Variants in SLC27A4 observed in about 807,000 individuals in gnomAD.
The protein encoded by SLC27A4 is long-chain fatty acid transport protein 4.
A neutral mutation model predicts 64.4 loss-of-function variants in SLC27A4; 33 were observed. That is an observed-to-expected ratio of 0.51 (90% CI 0.39 to 0.68). SLC27A4 has a LOEUF of 0.68. SLC27A4 is among the 30% of genes least tolerant of loss of function. The pLI is 0.00. For missense variants in SLC27A4, 824 were observed against 883.5 expected (o/e 0.93, Z 0.85); for synonymous variants, 377 against 370.0 (o/e 1.02, Z -0.22).
In SLC27A4 at chr9:128,345,340, A is replaced by G. The variant is rs1332852187; in HGVS notation, c.347A>G (p.Asn116Ser). 6 of 1,613,724 alleles carry G rather than the reference A, an allele frequency of 3.7e-6. No homozygotes were observed. In the East Asian group the frequency reaches 6.7e-5, roughly 18 times the overall value. Reference sequence around the variant, plus strand: ...GATGAGTACTCAAGCAGTGTAGCCAACTTCCTGCAGGCCCGGGGCCTGGCC... The same window carrying G: ...GATGAGTACTCAAGCAGTGTAGCCAGCTTCCTGCAGGCCCGGGGCCTGGCC... Reference protein sequence around the residue: ...QLDEYSSSVANFLQARGLASG... With the variant: ...QLDEYSSSVASFLQARGLASG... The change falls in exon 3 of 13, where the codon AAC (asparagine) becomes AGC (serine). Residue 116 changes from asparagine to serine, a missense_variant. Coordinates refer to ENST00000300456, the MANE Select transcript of SLC27A4 (RefSeq NM_005094.4). This position sits in a 1 kb window ranked among gnomAD's most constrained non-coding sequence, Gnocchi z 4.1.
intron 5 of SLC27A4, 34 bp from the exon 6 acceptor site, chr9:128,350,450 G>A (rs1222242813): frequency 1.2e-6 from 2 of 1,612,730 alleles, no homozygotes; most frequent in East Asian, 4.5e-5. Context: ...GCCTTTCTAG[G>A]GCCCGCTCAG....
intron 3 of SLC27A4, among the ~76,000 whole-genome samples, chr9:128,346,572 A>G (rs1270200233): frequency 6.6e-6 from 1 of 152,040 alleles, no homozygotes; most frequent in Non-Finnish European, 1.5e-5. Context: ...GCTTGGTGAC[A>G]TGGACCTGTA....
chr9:128,344,518 CA>C (rs370358874), intron 2 of SLC27A4, among the ~76,000 whole-genome samples: 39 of 136,280 alleles, frequency 2.9e-4, no homozygotes, highest in African/African-American at 4.9e-4. Context: ...GACGCCATCT[CA>C]AAAAAAAAAA....
intron 12 of SLC27A4, among the ~76,000 whole-genome samples, chr9:128,358,483 G>A (rs903657186): frequency 2.6e-5 from 4 of 152,202 alleles, no homozygotes; most frequent in African/African-American, 4.8e-5. Flanking sequence ...TTGCTCTATC[G>A]CCCAGGCCGG....
chr9:128,348,730 G>A (rs1832693576), intron 4 of SLC27A4, 27 bp downstream of exon 4: 4 of 1,612,186 alleles, frequency 2.5e-6, no homozygotes, highest in Non-Finnish European at 3.4e-6. Context: ...CCCCATAGAG[G>A]GGCTCTCACA....
rs1412106944 is a variant in SLC27A4, at chr9:128,345,156, G to C, written c.163G>C (p.Gly55Arg). Residue 55 changes from glycine (G) to arginine (R), a missense_variant and splice_region_variant, in exon 3 of 13, where the codon GGC becomes CGC. Transcript: ENST00000300456. The surrounding 1 kb of genome is among the most constrained non-coding windows in gnomAD (Gnocchi z 4.1). ...GCGCCCTCTCTTGTTCACACACAGT[G>C]GCGGCCTGGTCCTCCTGAAGGTGAA... ...FIKTIRRDIF[G>R]GLVLLKVKAK... The C allele has an allele frequency of 6.2e-7, 1 of 1,613,082 alleles. No individual in the cohort carries two copies. Among genetic ancestry groups the C allele is most frequent in the Non-Finnish European group, 8.5e-7 (1 of 1,180,028 alleles).
Position 128,340,694 on chromosome 9 carries a change from C to A in SLC27A4, c.-151C>A. ...CGGCGGGCGGGGCTGGCGGGGCGGC[C>A]GGGCCATGCAGGGCGCAGAGCCGGC... On this transcript the variant is annotated 5_prime_UTR_variant, in exon 1 of 13. Coordinates refer to ENST00000300456, the MANE Select transcript of SLC27A4 (RefSeq NM_005094.4). 2.4e-6 allele frequency: 1 copy of A among 410,946 alleles called. No individual in the cohort carries two copies. Among genetic ancestry groups the A allele is most frequent in the South Asian group, 7.5e-5 (1 of 13,420 alleles). The allele number at this position is 410,946 out of a possible 1,614,324, so 25.5% of individuals were successfully genotyped here.
At chr9:128,346,361 G>A (rs551101313) in intron 3 of SLC27A4, among the ~76,000 whole-genome samples, 1,675 of 151,994 alleles carry the variant, frequency 0.011, 13 homozygotes, top group Non-Finnish European at 0.018. Context: ...AGCCTCCTGA[G>A]TAGCTGAGAT....
At chr9:128,342,298 A>G (rs928430887) in intron 1 of SLC27A4, 1 of 1,611,516 alleles carries the variant, frequency 6.2e-7, no homozygotes, top group Non-Finnish European at 8.5e-7. Context: ...GAAGACAGAG[A>G]TGCAAGAGAA....
At position 128,360,340 on chromosome 9, in the gene SLC27A4, A is replaced by T. The variant is rs753307221; in HGVS notation, c.1781A>T (p.Tyr594Phe). The T allele has an allele frequency of 3.1e-6, 5 of 1,613,788 alleles. No homozygotes were observed. Among genetic ancestry groups the T allele is most frequent in the Middle Eastern group, 1.7e-4 (1 of 6,054 alleles). ...TTCTTCCCTGCTCTCCCAGGAACCT[A>T]CAAGTTCCAGAAGACAGAGCTACGG... ...LLPELHKTGTYKFQKTELRKE... is the reference protein window; with the variant it reads ...LLPELHKTGTFKFQKTELRKE... Residue 594 changes from tyrosine (Y) to phenylalanine (F), a missense_variant, in exon 13 of 13, where the codon TAC becomes TTC. By Grantham distance (22) the Tyr-to-Phe change is conservative. Transcript: ENST00000300456.
At chr9:128,357,093 CAA>C (rs1318748501) in intron 12 of SLC27A4, among the ~76,000 whole-genome samples, 46 of 94,702 alleles carry the variant, frequency 4.9e-4, no homozygotes, top group African/African-American at 1.3e-3. Flanking sequence ...GACTCCGTCT[CAA>C]AAAAAAAAAA....
intron 12 of SLC27A4, among the ~76,000 whole-genome samples, chr9:128,358,731 G>A (rs1436846138): frequency 6.6e-6 from 1 of 152,258 alleles, no homozygotes; most frequent in Non-Finnish European, 1.5e-5. Context: ...ACAGGCGTGA[G>A]CCACCATGCC....
At chr9:128,351,094 GA>G (rs879510798) in intron 6 of SLC27A4, among the ~76,000 whole-genome samples, 91 of 137,814 alleles carry the variant, frequency 6.6e-4, no homozygotes, top group Middle Eastern at 7.8e-3. Context: ...CTCTGTCTCG[GA>G]AAAAAAAAAA....
At chr9:128,341,479 C>T (rs544710156) in intron 1 of SLC27A4, among the ~76,000 whole-genome samples, 1 of 152,308 alleles carries the variant, frequency 6.6e-6, no homozygotes, top group African/African-American at 2.4e-5. Flanking sequence ...CTGTGTGTGT[C>T]TGTGTGATGG....
At position 128,340,763 on chromosome 9, in the gene SLC27A4, A is replaced by G. The variant is rs1423668395; in HGVS notation, c.-82A>G. The stretch of plus-strand genomic sequence containing the variant: ...GGCTCCGTGCGTCCAGGGGCGGCTA[A>G]TGCCCCTCACGCTGTCTACGCTGCT... On this transcript the variant is annotated 5_prime_UTR_variant, in exon 1 of 13. The change abolishes an upstream ATG in the 5' untranslated region. Transcript: ENST00000300456. 1 of 669,048 alleles carries G rather than the reference A, an allele frequency of 1.5e-6. No homozygotes were observed. Among genetic ancestry groups the G allele is most frequent in the Admixed American group, 2.1e-5 (1 of 46,618 alleles). The allele number at this position is 669,048 out of a possible 1,614,324, so 41.4% of individuals were successfully genotyped here. A position where few individuals can be genotyped will look rare whatever the true frequency, so the allele number is the denominator to read the frequency against.
intron 12 of SLC27A4, 84 bp downstream of exon 12, chr9:128,355,880 C>G: frequency 6.4e-7 from 1 of 1,568,390 alleles, no homozygotes; most frequent in African/African-American, 1.3e-5. Context: ...TGTTACTTGA[C>G]CTCTGCACAC....
At chr9:128,349,994 T>C (rs547438348) in intron 4 of SLC27A4, among the ~76,000 whole-genome samples, 1 of 152,288 alleles carries the variant, frequency 6.6e-6, no homozygotes, top group African/African-American at 2.4e-5. Context: ...ACTTGTTGCT[T>C]AGTATTGGAA....
intron 12 of SLC27A4, among the ~76,000 whole-genome samples, chr9:128,359,540 G>T (rs892773467): frequency 6.6e-6 from 1 of 152,186 alleles, no homozygotes; most frequent in Non-Finnish European, 1.5e-5. Context: ...CAGGAGAATC[G>T]CCTGAACCCG....
Position 128,353,452 on chromosome 9 carries a change from T to C in SLC27A4, c.1235T>C (p.Phe412Ser), listed in dbSNP as rs751914757. 165 of 1,613,980 alleles carry C rather than the reference T, an allele frequency of 1.0e-4. No individual in the cohort carries two copies. Among genetic ancestry groups the C allele is most frequent in the Non-Finnish European group, 1.4e-4 (161 of 1,180,028 alleles). Residue 412 changes from phenylalanine (F) to serine (S), a missense_variant, in exon 9 of 13, where the codon TTC (phenylalanine) becomes TCC (serine). Physicochemically the swap from Phe to Ser is radical, Grantham distance 155. Transcript: ENST00000300456. The surrounding 1 kb of genome is among the most constrained non-coding windows in gnomAD (Gnocchi z 4.9). ...ACGFNSRILS[F>S]VYPIRLVRVN... ...GGTTTCAATAGCCGCATCCTGTCCT[T>C]CGTGTACCCCATCCGGTTGGTACGT... is the stretch of plus-strand genomic sequence containing the variant.
Sources: allele counts gnomAD v4.1 joint callset (sites outside exome capture counted in the v4.1 genomes callset), GRCh38; gene constraint gnomAD v4.1.1; non-coding constraint Gnocchi (gnomAD v3.1); transcripts MANE v1.5; gene names NCBI Gene and HGNC (gene_info 2026-07-23, HGNC 2026-07-21).